WFS1: variants seen among roughly 807,000 people sequenced by gnomAD.
WFS1 encodes wolframin.
A neutral mutation model predicts 68.5 loss-of-function variants in WFS1; 90 were observed. The ratio of observed to expected loss-of-function variants is 1.31; its 90% CI spans 1.11 to 1.56. WFS1 has a LOEUF of 1.56. Among genes scored for constraint, WFS1 ranks in the 40% most tolerant of loss-of-function variants. The pLI, the probability that WFS1 is intolerant of heterozygous loss-of-function variation, is 0.00. For missense variants in WFS1, 1,767 were observed against 1,232.6 expected, an observed-to-expected ratio of 1.43 and a Z score of -6.49; for synonymous variants, 860 against 540.7, an observed-to-expected ratio of 1.59 and a Z score of -8.19.
chr4:6,302,495 G>C lies in WFS1; in HGVS notation c.*27G>C, dbSNP rs376221248. The C allele has an allele frequency of 6.2e-7, 1 of 1,611,360 alleles. No homozygotes were observed. The highest frequency in any genetic ancestry group is 8.5e-7 in the Non-Finnish European group (1 of 1,179,948). ...GATGGTCCGCCACGAGGAGCTTCCA[G>C]TGCATGTTGCCATGAGGCCTTTCCC... On this transcript the variant is annotated 3_prime_UTR_variant, in exon 8 of 8. Transcript: ENST00000226760.
Position 6,301,007 on chromosome 4 carries a change from C to T in WFS1, c.1212C>T (p.Pro404=), listed in dbSNP as rs140091627. 2.5e-6 allele frequency: 4 copies of T among 1,614,030 alleles called. No homozygotes were observed. The highest frequency in any genetic ancestry group is 2.5e-6 in the Non-Finnish European group (3 of 1,180,020). The change falls in exon 8 of 8, where the codon CCC becomes CCT. Residue 404 remains proline, a synonymous_variant. Transcript: ENST00000226760. ...ACTTCGGCTGGAACCACCTGGAGCC[C>T]TATGCCCATTTCCTGCTCTCTGTCT... ...EVNFGWNHLE[P]YAHFLLSVFF...
At chr4:6,294,643 G>A (rs574130928) in intron 6 of WFS1, 8 of 327,658 alleles carry the variant, frequency 2.4e-5, no homozygotes, top group East Asian at 7.7e-5. Context: ...CTTGTCACCC[G>A]TGCTGTGAGA....
chr4:6,297,964 A>G (rs73795958), intron 7 of WFS1, among the ~76,000 whole-genome samples: 1,835 of 152,310 alleles, frequency 0.012, 40 homozygotes, highest in African/African-American at 0.04. Context: ...GACGCCATCC[A>G]ACGTAATGTT....
intron 6 of WFS1, chr4:6,294,837 C>T (rs1162382934): frequency 4.1e-6 from 3 of 723,618 alleles, no homozygotes; most frequent in Non-Finnish European, 6.8e-6. Context: ...TGGAGGCTGG[C>T]ACTTGGCAAA....
At chr4:6,282,429 G>T (rs1730196189) in intron 2 of WFS1, among the ~76,000 whole-genome samples, 1 of 152,220 alleles carries the variant, frequency 6.6e-6, no homozygotes, top group African/African-American at 2.4e-5. Flanking sequence ...GTCACGAGAG[G>T]CGCAGAGAGA....
intron 2 of WFS1, among the ~76,000 whole-genome samples, chr4:6,282,916 G>C (rs1730207392): frequency 6.6e-6 from 1 of 152,234 alleles, no homozygotes; most frequent in Non-Finnish European, 1.5e-5. Flanking sequence ...ATTTGCAGTG[G>C]CTTCCTCCTG....
Position 6,301,668 on chromosome 4 carries a change from A to C in WFS1, c.1873A>C (p.Lys625Gln). 1.2e-6 allele frequency: 2 copies of C among 1,614,058 alleles called. No homozygotes were observed. The change falls in exon 8 of 8, where the codon AAG becomes CAG. Residue 625 changes from lysine (K) to glutamine (Q), a missense_variant. By Grantham distance (53) the Lys-to-Gln change is moderately conservative. Coordinates refer to ENST00000226760, the MANE Select transcript of WFS1 (RefSeq NM_006005.3). ...CAGCTTCTCTGTGGTGGGGATGGTG[A>C]AGTCCCTGACGCGGAGCTCCATGGT... Reference protein sequence around the residue: ...KASFSVVGMVKSLTRSSMVKL... With the variant: ...KASFSVVGMVQSLTRSSMVKL...
intron 1 of WFS1, among the ~76,000 whole-genome samples, chr4:6,270,992 T>C (rs1729822163): frequency 6.6e-6 from 1 of 152,186 alleles, no homozygotes. Flanking sequence ...CCTTGGACAG[T>C]GACCCCTGGC....
chr4:6,301,797 C>A lies in WFS1; in HGVS notation c.2002C>A (p.Gln668Lys), dbSNP rs1335308693. ...CTACAACTCCACACTGACCTGGCAG[C>A]AGTATGGTGCGCTGTGCGGGCCACG... Reference protein sequence around the residue: ...KVYNSTLTWQQYGALCGPRAW... With the variant: ...KVYNSTLTWQKYGALCGPRAW... The change falls in exon 8 of 8, where the codon CAG (glutamine) becomes AAG (lysine). Residue 668 changes from glutamine to lysine, a missense_variant. Physicochemically the swap from Gln to Lys is moderately conservative, Grantham distance 53. Coordinates refer to ENST00000226760, the MANE Select transcript of WFS1 (RefSeq NM_006005.3). The A allele has an allele frequency of 6.2e-7, 1 of 1,613,248 alleles. No individual in the cohort carries two copies. Among genetic ancestry groups the A allele is most frequent in the African/African-American group, 1.3e-5 (1 of 74,936 alleles).
intron 7 of WFS1, among the ~76,000 whole-genome samples, chr4:6,297,504 C>T (rs1374885983): frequency 3.3e-5 from 5 of 152,164 alleles, no homozygotes; most frequent in African/African-American, 4.8e-5. Context: ...ATCTTAAAAT[C>T]GTAACATTTT....
rs888407611 is a variant in WFS1, at chr4:6,302,972, C to G, written c.*504C>G. On this transcript the variant is annotated 3_prime_UTR_variant, in exon 8 of 8. Transcript: ENST00000226760. ...GATGTGCACGGCAGCTTGAGCCTGT[C>G]ACGTGGTCAAGGCCCGGCCCCATCA... 5.7e-6 allele frequency: 1 copy of G among 176,110 alleles called. No homozygotes were observed. Among genetic ancestry groups the G allele is most frequent in the African/African-American group, 2.4e-5 (1 of 41,902 alleles). 10.9% of individuals were successfully genotyped at this position (176,110 alleles called of 1,614,324 possible). A position where few individuals can be genotyped will look rare whatever the true frequency, so the allele number is the denominator to read the frequency against.
At position 6,300,679 on chromosome 4, in the gene WFS1, C is replaced by G. The variant is rs1310473702; in HGVS notation, c.884C>G (p.Ala295Gly). The change falls in exon 8 of 8, where the codon GCC becomes GGC. Residue 295 changes from alanine to glycine, a missense_variant. Physicochemically the swap from Ala to Gly is moderately conservative, Grantham distance 60. Coordinates refer to ENST00000226760, the MANE Select transcript of WFS1 (RefSeq NM_006005.3). ...RLKVVKYPLH[A>G]IMEIKEYLID... Reference sequence around the variant, plus strand: ...CAGGTGGTCAAGTACCCCCTGCACGCCATCATGGAGATCAAGGAGTACCTG... The same window carrying G: ...CAGGTGGTCAAGTACCCCCTGCACGGCATCATGGAGATCAAGGAGTACCTG... The G allele has an allele frequency of 6.2e-7, 1 of 1,613,910 alleles. No individual in the cohort carries two copies. Among genetic ancestry groups the G allele is most frequent in the Non-Finnish European group, 8.5e-7 (1 of 1,179,982 alleles).
intron 7 of WFS1, among the ~76,000 whole-genome samples, 186 bp from the exon 8 acceptor site, chr4:6,300,471 C>T (rs906102305): frequency 1.3e-5 from 2 of 152,000 alleles, no homozygotes; most frequent in South Asian, 2.1e-4. Context: ...CTCACAGGGA[C>T]CGCGAGCATG....
intron 3 of WFS1, 179 bp from the exon 4 acceptor site, chr4:6,288,808 A>G: frequency 2.2e-6 from 2 of 892,716 alleles, no homozygotes; most frequent in Non-Finnish European, 3.5e-6. Context: ...TTGAGGAGCG[A>G]GTGGCCGGAG....
chr4:6,290,525 G>A (rs1202296288), intron 4 of WFS1, among the ~76,000 whole-genome samples: 1 of 152,250 alleles, frequency 6.6e-6, no homozygotes, highest in African/African-American at 2.4e-5. Context: ...GTGCAGTTGT[G>A]CTTTCTGATT....
At chr4:6,294,475 G>A (rs528428551) in intron 6 of WFS1, among the ~76,000 whole-genome samples, 1 of 100,344 alleles carries the variant, frequency 1.0e-5, no homozygotes, top group Non-Finnish European at 2.2e-5. Context: ...TTGGATGGAG[G>A]TGTCAGCAGG....
intron 7 of WFS1, 45 bp from the exon 8 acceptor site, chr4:6,300,612 G>T (rs1217075227): frequency 6.2e-7 from 1 of 1,612,846 alleles, no homozygotes; most frequent in Non-Finnish European, 8.5e-7. Context: ...GGGAGCAGTG[G>T]GGGTCCTGTC....
intron 2 of WFS1, among the ~76,000 whole-genome samples, chr4:6,280,006 C>G (rs1730111038): frequency 6.6e-6 from 1 of 152,252 alleles, no homozygotes; most frequent in African/African-American, 2.4e-5. Context: ...GGCAAGTCAC[C>G]TGCCACCTGG....
At chr4:6,299,758 G>A (rs1289694274) in intron 7 of WFS1, among the ~76,000 whole-genome samples, 1 of 138,784 alleles carries the variant, frequency 7.2e-6, no homozygotes, top group Non-Finnish European at 1.5e-5. Flanking sequence ...TGTGTGTAGG[G>A]GTGGGTTGCG....
Sources: gnomAD v4.1 joint callset for allele counts (sites outside exome capture counted in the v4.1 genomes callset) on GRCh38, gnomAD v4.1.1 for gene constraint, MANE v1.5 for transcripts, NCBI Gene and HGNC (gene_info 2026-07-23, HGNC 2026-07-21) for gene names.